SRP54: variants seen among roughly 807,000 people sequenced by gnomAD.
SRP54 encodes the protein signal recognition particle subunit SRP54.
In SRP54, 10 loss-of-function variants were observed where a neutral mutation model predicts 64.8. The observed-to-expected ratio is 0.15, with a 90% confidence interval of 0.10 to 0.26. The LOEUF (loss-of-function observed/expected upper bound fraction) is 0.26. Among genes scored for constraint, SRP54 ranks in the 10% least tolerant of loss-of-function variants. The probability of loss-of-function intolerance (pLI) is 1.00; values close to 1 mark genes in which losing one functional copy is unlikely to be tolerated. For synonymous variants in SRP54, 193 were observed against 185.6 expected, an observed-to-expected ratio of 1.04 and a Z score of -0.32; for missense variants, 325 against 613.7, an observed-to-expected ratio of 0.53 and a Z score of 4.97.
At chr14:34,994,071 G>C (rs2044026776) in intron 1 of SRP54, among the ~76,000 whole-genome samples, 1 of 152,070 alleles carries the variant, frequency 6.6e-6, no homozygotes, top group Non-Finnish European at 1.5e-5. Context: ...TCAGCTCACT[G>C]TAACCTCTGC....
At chr14:34,995,180 T>TA (rs1290308129) in intron 1 of SRP54, among the ~76,000 whole-genome samples, 6 of 113,472 alleles carry the variant, frequency 5.3e-5, no homozygotes, top group Admixed American at 3.6e-4. Context: ...TGTGTGTGTG[T>TA]GTGTGTGTAG....
intron 4 of SRP54, 98 bp from the exon 5 acceptor site, chr14:35,007,184 AC>A: frequency 1.5e-6 from 1 of 651,868 alleles, no homozygotes; most frequent in Non-Finnish European, 2.6e-6. Flanking sequence ...CAAGAGTGTG[AC>A]CCTGTCTCAA....
At chr14:35,021,777 T>C (rs1045916090) in intron 13 of SRP54, among the ~76,000 whole-genome samples, 6 of 152,250 alleles carry the variant, frequency 3.9e-5, no homozygotes, top group African/African-American at 1.2e-4. Context: ...CAGAATGGCA[T>C]AGACAGCCTT....
chr14:34,988,962 A>G (rs2043945717), intron 1 of SRP54, among the ~76,000 whole-genome samples: 1 of 152,128 alleles, frequency 6.6e-6, no homozygotes. Context: ...GTTATACCAT[A>G]TTTATATCCT....
Position 35,008,761 on chromosome 14 carries a change from C to CT in SRP54, c.428-10dup, listed in dbSNP as rs768857416. On this transcript the variant is annotated splice_polypyrimidine_tract_variant and intron_variant, in intron 6 of 15. Coordinates refer to ENST00000216774, the MANE Select transcript of SRP54 (RefSeq NM_003136.4). Reference sequence around the variant, plus strand: ...TTTCAAGTTTGAGGATTCATGAACTCTTTATCTTCCAGGGGCTTTTGACCA... The same window carrying CT: ...TTTCAAGTTTGAGGATTCATGAACTCTTTTATCTTCCAGGGGCTTTTGACCA... 1.2e-5 allele frequency: 19 copies of CT among 1,606,640 alleles called. No homozygotes were observed. Among genetic ancestry groups the CT allele is most frequent in the Non-Finnish European group, 3.4e-6 (4 of 1,177,930 alleles).
Position 35,029,267 on chromosome 14 carries a change from C to G in SRP54, c.*115C>G. 3.0e-6 allele frequency: 2 copies of G among 670,874 alleles called. No individual in the cohort carries two copies. The highest frequency in any genetic ancestry group is 4.8e-6 in the Non-Finnish European group (2 of 414,172). 41.6% of individuals were successfully genotyped at this position (670,874 alleles called of 1,614,324 possible). On this transcript the variant is annotated 3_prime_UTR_variant, in exon 16 of 16. Coordinates refer to ENST00000216774, the MANE Select transcript of SRP54 (RefSeq NM_003136.4). ...GTGTATTTTTCTTGCTTATCATGCA[C>G]TCTTTCCTTTTCTTCTCGCCCGCTT... is the stretch of plus-strand genomic sequence containing the variant.
chr14:35,011,496 C>A lies in SRP54; in HGVS notation c.486-13C>A, dbSNP rs1343722369. On this transcript the variant is annotated splice_polypyrimidine_tract_variant and intron_variant, in intron 7 of 15. Coordinates refer to ENST00000216774, the MANE Select transcript of SRP54 (RefSeq NM_003136.4). Reference sequence around the variant, plus strand: ...TTTGTCGTTTTGTTAAATCATTTGTCCATGTTATATAGCTATACAGAAATG... The same window carrying A: ...TTTGTCGTTTTGTTAAATCATTTGTACATGTTATATAGCTATACAGAAATG... 4 of 1,418,948 alleles carry A rather than the reference C, an allele frequency of 2.8e-6. No individual in the cohort carries two copies. The highest frequency in any genetic ancestry group is 3.7e-6 in the Non-Finnish European group (4 of 1,071,636). 87.9% of individuals were successfully genotyped at this position (1,418,948 alleles called of 1,614,324 possible). A position where few individuals can be genotyped will look rare whatever the true frequency, so the allele number is the denominator to read the frequency against.
intron 1 of SRP54, among the ~76,000 whole-genome samples, chr14:34,996,271 TTTAATGTGGGAAA>T (rs1226719175): frequency 6.6e-6 from 1 of 152,206 alleles, no homozygotes; most frequent in Non-Finnish European, 1.5e-5. Flanking sequence ...TGCAGAGTCC[TTTAATGTGGGAAA>T]TTAGGCAGTA....
chr14:35,005,540 G>A (rs895280890), intron 4 of SRP54, among the ~76,000 whole-genome samples: 2 of 152,002 alleles, frequency 1.3e-5, no homozygotes, highest in Non-Finnish European at 2.9e-5. Flanking sequence ...TGGGACCACA[G>A]GTGCGTGCCA....
chr14:35,007,808 A>ATCTTG (rs2044291541), intron 5 of SRP54, among the ~76,000 whole-genome samples: 1 of 149,862 alleles, frequency 6.7e-6, no homozygotes, highest in Non-Finnish European at 1.5e-5. Context: ...ATATTAAGAT[A>ATCTTG]TAAAGCCAGG....
rs2044661731 is a variant in SRP54 at position 35,028,024 on chromosome 14, C to T, written c.1328-64C>T. 3.9e-6 allele frequency: 4 copies of T among 1,030,516 alleles called. No individual in the cohort carries two copies. In the South Asian group the frequency reaches 4.8e-5, roughly 12 times the overall value. 63.8% of individuals were successfully genotyped at this position (1,030,516 alleles called of 1,614,324 possible). On this transcript the variant is annotated intron_variant, in intron 14 of 15. Coordinates refer to ENST00000216774, the MANE Select transcript of SRP54 (RefSeq NM_003136.4). The stretch of plus-strand genomic sequence containing the variant: ...TCAGTTCATCAAACTTTCTATTATA[C>T]CCTGATTATACTGATTATATTACCT...
Position 35,023,055 on chromosome 14 carries a change from G to T in SRP54, c.1302G>T (p.Met434Ile). 1 of 1,611,772 alleles carries T rather than the reference G, an allele frequency of 6.2e-7. No individual in the cohort carries two copies. Among genetic ancestry groups the T allele is most frequent in the South Asian group, 1.1e-5 (1 of 90,730 alleles). Reference protein sequence around the residue: ...YTKFAQMVKKMGGIKGLFKGG... With the variant: ...YTKFAQMVKKIGGIKGLFKGG... Reference sequence around the variant, plus strand: ...AGTTTGCACAGATGGTAAAAAAGATGGGAGGTATCAAAGGACTTTTCAAAG... The same window carrying T: ...AGTTTGCACAGATGGTAAAAAAGATTGGAGGTATCAAAGGACTTTTCAAAG... The change falls in exon 14 of 16, where the codon ATG becomes ATT. Residue 434 changes from methionine (M) to isoleucine (I), a missense_variant. Met to Ile is a conservative substitution (Grantham distance 10). This residue lies in a region of SRP54 where 146 missense variants were observed against 337.4 expected (regional missense o/e 0.43). Coordinates refer to ENST00000216774, the MANE Select transcript of SRP54 (RefSeq NM_003136.4).
chr14:35,024,047 A>C (rs970986524), intron 14 of SRP54, among the ~76,000 whole-genome samples: 1 of 152,002 alleles, frequency 6.6e-6, no homozygotes, highest in South Asian at 2.1e-4. Context: ...TATTATTTTG[A>C]GACAGAGTCT....
At chr14:34,984,292 C>T (rs2043858612) in intron 1 of SRP54, among the ~76,000 whole-genome samples, 2 of 152,046 alleles carry the variant, frequency 1.3e-5, no homozygotes, top group South Asian at 2.1e-4. Flanking sequence ...TTGATTTTCT[C>T]CTATGTGCCA....
chr14:35,000,805 C>G, intron 3 of SRP54, 131 bp from the exon 4 acceptor site: 1 of 431,552 alleles, frequency 2.3e-6, no homozygotes. Context: ...TAATTACATG[C>G]ATGTTAATTG....
intron 14 of SRP54, among the ~76,000 whole-genome samples, chr14:35,024,972 T>G (rs2044597899): frequency 6.6e-6 from 1 of 152,124 alleles, no homozygotes; most frequent in Non-Finnish European, 1.5e-5. Flanking sequence ...CTCAAGTGAT[T>G]CGCCCGCCTT....
chr14:35,016,949 G>A (rs1386559206), intron 11 of SRP54, among the ~76,000 whole-genome samples: 1 of 148,048 alleles, frequency 6.8e-6, no homozygotes. Context: ...CCGCCTCCCA[G>A]TTTGAAGCAG....
At chr14:34,989,607 G>A (rs1419731631) in intron 1 of SRP54, among the ~76,000 whole-genome samples, 1 of 152,120 alleles carries the variant, frequency 6.6e-6, no homozygotes, top group African/African-American at 2.4e-5. Flanking sequence ...GAGAAAGGTG[G>A]GTTTTTGGAC....
At chr14:35,006,038 A>G (rs981736763) in intron 4 of SRP54, among the ~76,000 whole-genome samples, 3 of 151,846 alleles carry the variant, frequency 2.0e-5, no homozygotes, top group Non-Finnish European at 4.4e-5. Context: ...ATGGGGTTTC[A>G]CCGTGTTAGC....
Sources: allele counts gnomAD v4.1 joint callset (sites outside exome capture counted in the v4.1 genomes callset), GRCh38; gene constraint gnomAD v4.1.1; regional missense constraint gnomAD v4.1.1; transcripts MANE v1.5; gene names NCBI Gene and HGNC (gene_info 2026-07-23, HGNC 2026-07-21).